The following RABGEF1 variants were observed in gnomAD, a reference collection of about 807,000 sequenced individuals.
The protein encoded by RABGEF1 is RAB guanine nucleotide exchange factor 1, also known as rab5 GDP/GTP exchange factor.
RABGEF1 carries 26 observed loss-of-function variants against 57.3 expected under a neutral mutation model. The ratio of observed to expected loss-of-function variants is 0.45; its 90% CI spans 0.33 to 0.63. The LOEUF (loss-of-function observed/expected upper bound fraction) is 0.63. Ranked by LOEUF, RABGEF1 falls within the 20% of genes least tolerant of loss-of-function variation. The pLI is 0.02. For synonymous variants in RABGEF1, 185 were observed against 210.7 expected (o/e 0.88, Z 1.06); for missense variants, 464 against 607.6 (o/e 0.76, Z 2.48).
chr7:66,655,367 G>A, the RABGEF1 span, among the ~76,000 whole-genome samples: 6 of 140,440 alleles, frequency 4.3e-5, no homozygotes, highest in Admixed American at 1.4e-4. Context: ...TCTCAGCGCG[G>A]GTGACCAGTC....
the RABGEF1 span, among the ~76,000 whole-genome samples, chr7:66,660,292 C>T: frequency 3.3e-5 from 5 of 149,956 alleles, no homozygotes; most frequent in Non-Finnish European, 5.9e-5. Flanking sequence ...AGCTTGCAGT[C>T]AGCCAAGATT....
chr7:66,699,572 A>G (rs936175067), intron 1 of RABGEF1, among the ~76,000 whole-genome samples: 2 of 151,876 alleles, frequency 1.3e-5, no homozygotes, highest in African/African-American at 4.8e-5. Context: ...GGCACCTGTA[A>G]TCTTAGCTAC....
intron 1 of RABGEF1, among the ~76,000 whole-genome samples, chr7:66,706,149 G>A (rs564450524): frequency 2.0e-5 from 3 of 151,194 alleles, no homozygotes; most frequent in Admixed American, 1.3e-4. Flanking sequence ...TGATCCACCC[G>A]CCTCGGCCTC....
At chr7:66,676,222 GC>G in the RABGEF1 span, among the ~76,000 whole-genome samples, 1 of 152,082 alleles carries the variant, frequency 6.6e-6, no homozygotes, top group South Asian at 2.1e-4. Context: ...GGCAGAGGTT[GC>G]AGTGAGCCAA....
intron 4 of RABGEF1, among the ~76,000 whole-genome samples, chr7:66,792,366 A>G (rs1812910223): frequency 6.6e-6 from 1 of 152,230 alleles, no homozygotes; most frequent in African/African-American, 2.4e-5. Flanking sequence ...GGTTTCACAG[A>G]TACTGGCCAA....
the RABGEF1 span, among the ~76,000 whole-genome samples, chr7:66,676,448 C>T: frequency 4.6e-5 from 7 of 152,248 alleles, no homozygotes; most frequent in African/African-American, 1.7e-4. Context: ...AGTTAGCCCT[C>T]CACATATGTG....
intron 2 of RABGEF1, among the ~76,000 whole-genome samples, chr7:66,725,420 A>T (rs1796482422): frequency 6.6e-6 from 1 of 152,014 alleles, no homozygotes; most frequent in Non-Finnish European, 1.5e-5. Flanking sequence ...GTCTTTATAG[A>T]TTTGTCTATT....
At chr7:66,688,423 C>G (rs986839322) in intron 1 of RABGEF1, among the ~76,000 whole-genome samples, 1 of 152,170 alleles carries the variant, frequency 6.6e-6, no homozygotes, top group Admixed American at 6.6e-5. Flanking sequence ...ATCTAATGGA[C>G]ATTTACAGAT....
At chr7:66,706,843 G>A (rs1419725379) in intron 1 of RABGEF1, among the ~76,000 whole-genome samples, 3 of 133,084 alleles carry the variant, frequency 2.3e-5, no homozygotes, top group Non-Finnish European at 3.1e-5. Context: ...CTGCAGTTTC[G>A]CGATCTCAGC....
intron 5 of RABGEF1, among the ~76,000 whole-genome samples, chr7:66,796,423 C>T: frequency 6.6e-6 from 1 of 152,132 alleles, no homozygotes; most frequent in East Asian, 1.9e-4. Flanking sequence ...CAGCATTCAT[C>T]AGTCTTGGGA....
intron 3 of RABGEF1, among the ~76,000 whole-genome samples, chr7:66,780,186 G>C (rs1360019655): frequency 6.6e-6 from 1 of 152,164 alleles, no homozygotes; most frequent in Non-Finnish European, 1.5e-5. Context: ...AGAGGAGTTG[G>C]TGTTCTTCTG....
At chr7:66,741,841 T>TA (rs1277940592) in intron 1 of RABGEF1, among the ~76,000 whole-genome samples, 3 of 152,124 alleles carry the variant, frequency 2.0e-5, no homozygotes, top group Non-Finnish European at 4.4e-5. Flanking sequence ...TAACTGCTGT[T>TA]AAAGAGTGTG....
chr7:66,656,003 A>C, the RABGEF1 span, among the ~76,000 whole-genome samples: 1 of 152,300 alleles, frequency 6.6e-6, no homozygotes, highest in East Asian at 1.9e-4. Flanking sequence ...TGGAGCCTGG[A>C]AGGGATCGGG....
At chr7:66,723,461 C>A (rs1796264300) in intron 2 of RABGEF1, among the ~76,000 whole-genome samples, 1 of 152,220 alleles carries the variant, frequency 6.6e-6, no homozygotes, top group Admixed American at 6.5e-5. Flanking sequence ...CAACACCATA[C>A]TTTCATTTCA....
At chr7:66,802,940 T>C (rs1787623203) in intron 7 of RABGEF1, among the ~76,000 whole-genome samples, 1 of 150,452 alleles carries the variant, frequency 6.6e-6, no homozygotes, top group Non-Finnish European at 1.5e-5. Flanking sequence ...GTAGTTTAAA[T>C]AAAAGAGAGA....
intron 2 of RABGEF1, among the ~76,000 whole-genome samples, chr7:66,723,289 A>G (rs1372331709): frequency 6.6e-6 from 1 of 151,854 alleles, no homozygotes; most frequent in African/African-American, 2.4e-5. Flanking sequence ...CTTTAGATTG[A>G]AGTTTCTTGT....
chr7:66,717,586 G>A (rs1299207914), intron 2 of RABGEF1, among the ~76,000 whole-genome samples: 8 of 150,632 alleles, frequency 5.3e-5, no homozygotes, highest in Non-Finnish European at 7.4e-5. Context: ...GTGAAACCCC[G>A]TCTCTAGTGT....
intron 1 of RABGEF1, among the ~76,000 whole-genome samples, chr7:66,744,873 A>AT (rs1442589882): frequency 2.6e-5 from 4 of 151,948 alleles, no homozygotes; most frequent in East Asian, 3.9e-4. Context: ...GATTTCTTTG[A>AT]TTTTTTGTTG....
At chr7:66,705,443 A>AAGACAAAGAGAGAGAGAGAGAG (rs540794271) in intron 1 of RABGEF1, among the ~76,000 whole-genome samples, 3 of 66,372 alleles carry the variant, frequency 4.5e-5, no homozygotes, top group African/African-American at 2.3e-4. Context: ...TCTCGAAAGA[A>AAGACAAAGAGAGAGAGAGAGAG]AGAGAGAGAG....
Sources: allele counts gnomAD v4.1 joint callset (sites outside exome capture counted in the v4.1 genomes callset), GRCh38; gene constraint gnomAD v4.1.1; transcripts MANE v1.5; gene names NCBI Gene and HGNC (gene_info 2026-07-23, HGNC 2026-07-21).